CADPS2: variants seen among roughly 807,000 people sequenced by gnomAD.
CADPS2 encodes calcium-dependent secretion activator 2.
CADPS2 carries 93 observed loss-of-function variants against 172.5 expected under a neutral mutation model. That is an observed-to-expected ratio of 0.54 (90% CI 0.46 to 0.64). The LOEUF is 0.64. Among genes scored for constraint, CADPS2 ranks in the 30% least tolerant of loss-of-function variants. The pLI is 0.00. For synonymous variants in CADPS2, 546 were observed against 555.2 expected (o/e 0.98, Z 0.23); for missense variants, 1,420 against 1,565.9 (o/e 0.91, Z 1.57).
Position 122,451,392 on chromosome 7 carries a change from T to C in CADPS2, c.2270A>G (p.Asn757Ser), listed in dbSNP as rs200651726. Reference sequence around the variant, plus strand: ...TATATACCTGAAATGGCTTATCTGATTTTCTAAAAGGGAAGAGAGTCTCTC... The same window carrying C: ...TATATACCTGAAATGGCTTATCTGACTTTCTAAAAGGGAAGAGAGTCTCTC... The part of the protein sequence containing the change: ...IKERLSSLLE[N>S]QISHFRYCFP... The change falls in exon 15 of 30, where the codon AAT (asparagine) becomes AGT (serine). Residue 757 changes from asparagine to serine, a missense_variant. Asn to Ser is a conservative substitution (Grantham distance 46, BLOSUM62 1). Transcript: ENST00000449022. 1.1e-4 allele frequency: 166 copies of C among 1,534,872 alleles called. 1 individual carries two copies. The African/African-American group carries it at 1.9e-3, about 17-fold the overall frequency.
intron 28 of CADPS2, among the ~76,000 whole-genome samples, chr7:122,336,459 G>A (rs1227124212): frequency 6.6e-6 from 1 of 152,190 alleles, no homozygotes; most frequent in Non-Finnish European, 1.5e-5. Context: ...CCATGAACAA[G>A]GCACTAGAGA....
intron 2 of CADPS2, among the ~76,000 whole-genome samples, chr7:122,671,374 T>C (rs1018842879): frequency 2.0e-5 from 3 of 152,152 alleles, no homozygotes; most frequent in East Asian, 3.9e-4. Flanking sequence ...ATAATTTAAA[T>C]AATTAATGAA....
At chr7:122,337,085 A>C (rs890533623) in intron 28 of CADPS2, among the ~76,000 whole-genome samples, 2 of 152,234 alleles carry the variant, frequency 1.3e-5, no homozygotes, top group East Asian at 3.9e-4. Flanking sequence ...GCAAGGCTAC[A>C]TCTCCCTAAT....
chr7:122,403,533 T>C (rs1294788945), intron 20 of CADPS2, among the ~76,000 whole-genome samples: 1 of 152,170 alleles, frequency 6.6e-6, no homozygotes, highest in African/African-American at 2.4e-5. Context: ...AGTCAATGTA[T>C]AGAAATAGTT....
chr7:122,573,873 A>G (rs1011381291), intron 7 of CADPS2, among the ~76,000 whole-genome samples: 3 of 152,158 alleles, frequency 2.0e-5, no homozygotes, highest in African/African-American at 4.8e-5. Context: ...CTCTGCAATG[A>G]CTGAACCTGC....
intron 13 of CADPS2, among the ~76,000 whole-genome samples, chr7:122,471,911 G>T (rs1159710883): frequency 6.6e-6 from 1 of 152,078 alleles, no homozygotes; most frequent in African/African-American, 2.4e-5. Context: ...ATTAAAAAAA[G>T]ACGACATTAT....
intron 9 of CADPS2, among the ~76,000 whole-genome samples, chr7:122,500,727 A>G (rs2130374285): frequency 6.6e-6 from 1 of 152,314 alleles, no homozygotes; most frequent in South Asian, 2.1e-4. Flanking sequence ...AGAATCAAAA[A>G]CAATAACTTA....
intron 28 of CADPS2, among the ~76,000 whole-genome samples, chr7:122,341,368 TA>T (rs2036766598): frequency 6.6e-6 from 1 of 152,178 alleles, no homozygotes; most frequent in Admixed American, 6.6e-5. Context: ...TCATCATTGC[TA>T]ACATTAAAAC....
chr7:122,421,897 C>T (rs570424357), intron 17 of CADPS2: 3 of 152,186 alleles, frequency 2.0e-5, no homozygotes, highest in South Asian at 2.1e-4. Flanking sequence ...GGTATGTGTT[C>T]GAGTTTAGAA....
chr7:122,782,612 G>GCAACAA (rs528094073), intron 1 of CADPS2, among the ~76,000 whole-genome samples: 166 of 151,908 alleles, frequency 1.1e-3, no homozygotes, highest in African/African-American at 3.8e-3. Context: ...CCCTGTCTCA[G>GCAACAA]CAACAACAAC....
chr7:122,689,758 G>T (rs1024388585), intron 2 of CADPS2, among the ~76,000 whole-genome samples: 21 of 152,256 alleles, frequency 1.4e-4, no homozygotes, highest in African/African-American at 5.1e-4. Flanking sequence ...TTGGTGTAGT[G>T]ATCGTGTTAT....
chr7:122,763,496 T>C (rs914778873), intron 1 of CADPS2, among the ~76,000 whole-genome samples: 2 of 152,180 alleles, frequency 1.3e-5, no homozygotes, highest in Non-Finnish European at 2.9e-5. Flanking sequence ...AAAGTATTGA[T>C]ATATTTTGGG....
chr7:122,883,658 G>A (rs909505305), intron 1 of CADPS2, among the ~76,000 whole-genome samples: 9 of 152,128 alleles, frequency 5.9e-5, no homozygotes, highest in Admixed American at 5.9e-4. Context: ...ACTGCCAAAA[G>A]TTGCTCCAGC....
intron 8 of CADPS2, among the ~76,000 whole-genome samples, chr7:122,525,236 G>A (rs2061130966): frequency 6.6e-6 from 1 of 152,082 alleles, no homozygotes; most frequent in African/African-American, 2.4e-5. Context: ...CTTCTAGTAT[G>A]TTGCTCTCTG....
chr7:122,499,023 T>C (rs1310172071), intron 9 of CADPS2, among the ~76,000 whole-genome samples: 5 of 152,206 alleles, frequency 3.3e-5, no homozygotes, highest in African/African-American at 4.8e-5. Flanking sequence ...CAATCCAGGA[T>C]TGCTTTTTAT....
chr7:122,717,314 C>A (rs959392636), intron 2 of CADPS2, among the ~76,000 whole-genome samples: 2 of 152,084 alleles, frequency 1.3e-5, no homozygotes, highest in African/African-American at 4.8e-5. Context: ...AGTAGTCTGG[C>A]AACTTCAAAG....
At chr7:122,572,262 T>A (rs1289835629) in intron 7 of CADPS2, among the ~76,000 whole-genome samples, 1 of 152,094 alleles carries the variant, frequency 6.6e-6, no homozygotes. Context: ...ATAGGAGACT[T>A]TTATATTTGT....
chr7:122,579,165 T>C (rs1166267465), intron 7 of CADPS2, among the ~76,000 whole-genome samples: 1 of 152,098 alleles, frequency 6.6e-6, no homozygotes, highest in African/African-American at 2.4e-5. Flanking sequence ...TCCAACCTAT[T>C]GAGGTCATTA....
At chr7:122,390,290 A>ATTTATT (rs2044213382) in intron 22 of CADPS2, among the ~76,000 whole-genome samples, 1 of 152,102 alleles carries the variant, frequency 6.6e-6, no homozygotes, top group Non-Finnish European at 1.5e-5. Context: ...AAAAAACACT[A>ATTTATT]CCTTTATTTC....
Sources: allele counts gnomAD v4.1 joint callset (sites outside exome capture counted in the v4.1 genomes callset), GRCh38; gene constraint gnomAD v4.1.1; transcripts MANE v1.5; gene names NCBI Gene and HGNC (gene_info 2026-07-23, HGNC 2026-07-21).